CFAP54: variants seen among roughly 807,000 people sequenced by gnomAD.
CFAP54 encodes cilia- and flagella-associated protein 54.
Under a neutral mutation model 370.4 loss-of-function variants are expected in CFAP54, and 290 were observed. The ratio of observed to expected loss-of-function variants is 0.78; its 90% CI spans 0.71 to 0.86. CFAP54 has a LOEUF of 0.86. CFAP54 is among the 40% of genes least tolerant of loss of function. The pLI is 0.00. For synonymous variants in CFAP54, 1,206 were observed against 1,236.5 expected (o/e 0.98, Z 0.52); for missense variants, 3,399 against 3,528.7 (o/e 0.96, Z 0.93).
intron 26 of CFAP54, among the ~76,000 whole-genome samples, chr12:96,603,356 T>C (rs1450878430): frequency 6.6e-6 from 1 of 152,222 alleles, no homozygotes; most frequent in African/African-American, 2.4e-5. Flanking sequence ...CCTTTGTGGG[T>C]AACCCTACCT....
At chr12:96,615,634 G>A (rs982952330) in intron 26 of CFAP54, among the ~76,000 whole-genome samples, 25 of 152,094 alleles carry the variant, frequency 1.6e-4, no homozygotes, top group South Asian at 4.2e-4. Context: ...GCTAATATCC[G>A]GAATCTACAA....
intron 63 of CFAP54, among the ~76,000 whole-genome samples, chr12:96,801,288 A>C (rs1016041508): frequency 6.6e-6 from 1 of 152,234 alleles, no homozygotes; most frequent in Non-Finnish European, 1.5e-5. Context: ...TCTTGAGTAT[A>C]CGAGGTAGAA....
At chr12:96,800,643 A>G (rs1019690482) in intron 63 of CFAP54, among the ~76,000 whole-genome samples, 1 of 152,190 alleles carries the variant, frequency 6.6e-6, no homozygotes, top group Admixed American at 6.5e-5. Flanking sequence ...GGGTGTATTT[A>G]AGCATTCATC....
chr12:96,599,776 C>T (rs1001939930), intron 26 of CFAP54, among the ~76,000 whole-genome samples: 3 of 151,978 alleles, frequency 2.0e-5, no homozygotes, highest in Admixed American at 6.6e-5. Flanking sequence ...GAGCATTTTT[C>T]CATGTGTCTG....
intron 55 of CFAP54, among the ~76,000 whole-genome samples, chr12:96,746,815 A>T (rs1958118994): frequency 6.6e-6 from 1 of 152,038 alleles, no homozygotes; most frequent in East Asian, 1.9e-4. Flanking sequence ...CTGAAATCCC[A>T]TTCCTACCAT....
intron 1 of CFAP54, among the ~76,000 whole-genome samples, chr12:96,499,115 T>C (rs1233270012): frequency 1.3e-5 from 2 of 152,262 alleles, no homozygotes; most frequent in Non-Finnish European, 1.5e-5. Flanking sequence ...ACTACAGATG[T>C]GCGCCACCAT....
intron 24 of CFAP54, 54 bp downstream of exon 24, chr12:96,592,691 G>A (rs906635582): frequency 1.5e-5 from 9 of 581,916 alleles, no homozygotes; most frequent in Admixed American, 4.5e-5. Flanking sequence ...TTTTTTTCTT[G>A]ATGTTTTAAG....
chr12:96,833,535 T>TGC (rs1270472605), intron 66 of CFAP54, among the ~76,000 whole-genome samples: 1 of 151,254 alleles, frequency 6.6e-6, no homozygotes, highest in Non-Finnish European at 1.5e-5. Flanking sequence ...TGTGTGTGTG[T>TGC]GTGTGTGTGA....
intron 58 of CFAP54, 71 bp downstream of exon 58, chr12:96,757,659 A>G: frequency 1.3e-6 from 1 of 787,196 alleles, no homozygotes; most frequent in Non-Finnish European, 2.0e-6. Flanking sequence ...ACACTGTGCT[A>G]TTGAAATAAT....
chr12:96,717,649 A>T (rs1467381733), intron 48 of CFAP54, among the ~76,000 whole-genome samples: 1 of 152,162 alleles, frequency 6.6e-6, no homozygotes, highest in African/African-American at 2.4e-5. Flanking sequence ...TCGTGGATGG[A>T]GATTTTGAAA....
intron 27 of CFAP54, 82 bp downstream of exon 27, chr12:96,621,803 G>T: frequency 2.2e-6 from 2 of 913,578 alleles, no homozygotes; most frequent in African/African-American, 1.9e-5. Flanking sequence ...AAACATATTA[G>T]AAAATTGGTA....
At chr12:96,676,085 A>G (rs1188925004) in intron 39 of CFAP54, among the ~76,000 whole-genome samples, 1 of 152,074 alleles carries the variant, frequency 6.6e-6, no homozygotes, top group East Asian at 1.9e-4. Flanking sequence ...CTTAAAGTAT[A>G]ATAAAAAAAG....
Position 96,598,783 on chromosome 12 carries a change from T to G in CFAP54, c.3639+16T>G, listed in dbSNP as rs762357509. 3.4e-5 allele frequency: 20 copies of G among 579,740 alleles called. No homozygotes were observed. The highest frequency in any genetic ancestry group is 5.9e-5 in the Non-Finnish European group (19 of 320,430). 35.9% of individuals were successfully genotyped at this position (579,740 alleles called of 1,614,324 possible). A position where few individuals can be genotyped will look rare whatever the true frequency, so the allele number is the denominator to read the frequency against. On this transcript the variant is annotated intron_variant, in intron 26 of 67. Coordinates refer to ENST00000524981, the MANE Select transcript of CFAP54 (RefSeq NM_001306084.2). ...CATAACAAAGGTATTTATCTCATTC[T>G]TTATCTAGTATTATAATATTTAGGA...
At chr12:96,671,187 G>T (rs946738552) in intron 39 of CFAP54, among the ~76,000 whole-genome samples, 7 of 152,056 alleles carry the variant, frequency 4.6e-5, no homozygotes, top group African/African-American at 1.4e-4. Flanking sequence ...GGCCAGGCTG[G>T]TCTCGAACAC....
chr12:96,503,813 A>T, intron 2 of CFAP54, 73 bp from the exon 3 acceptor site: 1 of 1,230,302 alleles, frequency 8.1e-7, no homozygotes, highest in East Asian at 2.6e-5. Context: ...ATTAGGAATA[A>T]TATGAATATT....
In CFAP54 at chr12:96,554,240, G is replaced by T. The variant is rs1356248579; in HGVS notation, c.2213G>T (p.Gly738Val). Reference sequence around the variant, plus strand: ...AAACTTCTTGACAGAGCAATCGGTGGAATAAATTTGAATTGCATGTTAACC... The same window carrying T: ...AAACTTCTTGACAGAGCAATCGGTGTAATAAATTTGAATTGCATGTTAACC... Reference protein sequence around the residue: ...AYKLLDRAIGGINLNCMLTSL... With the variant: ...AYKLLDRAIGVINLNCMLTSL... Residue 738 changes from glycine to valine, a missense_variant, in exon 16 of 68, where the codon GGA becomes GTA. Coordinates refer to ENST00000524981, the MANE Select transcript of CFAP54 (RefSeq NM_001306084.2). 1.3e-6 allele frequency: 2 copies of T among 1,527,296 alleles called. No homozygotes were observed. Among genetic ancestry groups the T allele is most frequent in the Non-Finnish European group, 1.8e-6 (2 of 1,142,730 alleles). The allele number at this position is 1,527,296 out of a possible 1,614,324, so 94.6% of individuals were successfully genotyped here.
At position 96,656,600 on chromosome 12, in the gene CFAP54, C is replaced by T. The variant is rs181128100; in HGVS notation, c.5101-1282C>T. 4.6e-3 allele frequency among the ~76,000 whole-genome samples: 694 copies of T among 152,350 alleles called. 1 individual carries two copies. Among genetic ancestry groups the T allele is most frequent in the Non-Finnish European group, 8.3e-3 (562 of 68,026 alleles). The stretch of plus-strand genomic sequence containing the variant: ...TTCTCCATGTTGGTCAGGCTGGTCT[C>T]AAACTCCCGACCTCAGTTGATCTGC... On this transcript the variant is annotated intron_variant, in intron 36 of 67. Coordinates refer to ENST00000524981, the MANE Select transcript of CFAP54 (RefSeq NM_001306084.2).
At chr12:96,585,515 C>G (rs567232047) in intron 22 of CFAP54, among the ~76,000 whole-genome samples, 46 of 152,066 alleles carry the variant, frequency 3.0e-4, no homozygotes, top group Non-Finnish European at 6.0e-4. Context: ...TTCCATTCCC[C>G]CACTTCACAG....
intron 32 of CFAP54, 24 bp downstream of exon 32, chr12:96,630,675 A>G (rs1482752550): frequency 4.3e-6 from 6 of 1,385,286 alleles, no homozygotes; most frequent in Admixed American, 2.7e-5. Context: ...AATTAATTCA[A>G]TAAAAGTTTA....
Sources: allele counts gnomAD v4.1 joint callset (sites outside exome capture counted in the v4.1 genomes callset), GRCh38; gene constraint gnomAD v4.1.1; transcripts MANE v1.5; gene names NCBI Gene and HGNC (gene_info 2026-07-23, HGNC 2026-07-21).